Variants in WWP2 observed in about 807,000 individuals in gnomAD.
WWP2 encodes WW domain containing E3 ubiquitin protein ligase 2.
WWP2 carries 57 observed loss-of-function variants against 121.0 expected under a neutral mutation model. The ratio of observed to expected loss-of-function variants is 0.47; its 90% CI spans 0.38 to 0.59. WWP2 has a LOEUF of 0.59. Among genes scored for constraint, WWP2 ranks in the 20% least tolerant of loss-of-function variants. The pLI is 0.00. For missense variants in WWP2, 962 were observed against 1,158.9 expected, an observed-to-expected ratio of 0.83 and a Z score of 2.47; for synonymous variants, 449 against 441.3, an observed-to-expected ratio of 1.02 and a Z score of -0.22.
chr16:69,930,077 C>T, intron 12 of WWP2, 53 bp from the exon 13 acceptor site: 1 of 1,610,246 alleles, frequency 6.2e-7, no homozygotes, highest in Non-Finnish European at 8.5e-7. Context: ...CTCCAACCAC[C>T]AAGGTCCAGA....
intron 6 of WWP2, among the ~76,000 whole-genome samples, chr16:69,870,554 G>A (rs1188564427): frequency 1.3e-5 from 2 of 152,174 alleles, no homozygotes; most frequent in African/African-American, 2.4e-5. Flanking sequence ...TCCCGCCTTG[G>A]CCTCCCAAAG....
At chr16:69,847,502 C>T (rs2057106156) in intron 6 of WWP2, among the ~76,000 whole-genome samples, 1 of 151,498 alleles carries the variant, frequency 6.6e-6, no homozygotes, top group Admixed American at 6.6e-5. Flanking sequence ...TTCTCTCTCC[C>T]AGGTTCAAGC....
At chr16:69,939,669 C>T (rs567074768) in intron 23 of WWP2, among the ~76,000 whole-genome samples, 172 bp from the exon 24 acceptor site, 2 of 152,098 alleles carry the variant, frequency 1.3e-5, no homozygotes, top group South Asian at 2.1e-4. Context: ...GTCCTGGCCC[C>T]TCCCTTAACA....
intron 4 of WWP2, among the ~76,000 whole-genome samples, chr16:69,807,356 A>G (rs1200253967): frequency 6.6e-6 from 1 of 151,970 alleles, no homozygotes; most frequent in Non-Finnish European, 1.5e-5. Context: ...ATTTTTGTTT[A>G]ATAATGAAAA....
chr16:69,826,521 G>A (rs1350247898), intron 4 of WWP2, among the ~76,000 whole-genome samples: 2 of 137,130 alleles, frequency 1.5e-5, no homozygotes, highest in African/African-American at 2.8e-5. Flanking sequence ...GCAGTAAGCC[G>A]AAATAGTGCC....
chr16:69,870,197 T>C (rs1356157315), intron 6 of WWP2, among the ~76,000 whole-genome samples: 2 of 152,224 alleles, frequency 1.3e-5, no homozygotes, highest in South Asian at 2.1e-4. Flanking sequence ...TGAGAACATA[T>C]ATGTAAATGC....
Position 69,935,264 on chromosome 16 carries a change from G to A in WWP2, c.1843-589G>A, listed in dbSNP as rs2058779489. Among the ~76,000 whole-genome samples the A allele has an allele frequency of 6.6e-6, 1 of 152,126 alleles. No homozygotes were observed. Among genetic ancestry groups the A allele is most frequent in the South Asian group, 2.1e-4 (1 of 4,826 alleles). Reference sequence around the variant, plus strand: ...CATGAGCCTGTGACTAAATATGGCCGGCCCTTCCCATCGTCGAGGAGTTCT... The same window carrying A: ...CATGAGCCTGTGACTAAATATGGCCAGCCCTTCCCATCGTCGAGGAGTTCT... On this transcript the variant is annotated intron_variant, in intron 17 of 23. Transcript: ENST00000359154. This position sits in a 1 kb window ranked among gnomAD's most constrained non-coding sequence, Gnocchi z 5.2.
At chr16:69,849,882 C>T (rs568705080) in intron 6 of WWP2, among the ~76,000 whole-genome samples, 1 of 152,138 alleles carries the variant, frequency 6.6e-6, no homozygotes, top group South Asian at 2.1e-4. Flanking sequence ...TAAAATGATA[C>T]ATGGTACCTT....
intron 8 of WWP2, among the ~76,000 whole-genome samples, chr16:69,888,875 T>C (rs1239223536): frequency 6.6e-6 from 1 of 152,128 alleles, no homozygotes; most frequent in Non-Finnish European, 1.5e-5. Context: ...GGCTAATTTT[T>C]TTGTATTTTT....
At chr16:69,768,850 CA>C (rs1252686941) in intron 1 of WWP2, among the ~76,000 whole-genome samples, 2 of 152,092 alleles carry the variant, frequency 1.3e-5, no homozygotes, top group East Asian at 3.8e-4. Flanking sequence ...TGTCATTTGG[CA>C]AAGTTGATTC....
intron 8 of WWP2, among the ~76,000 whole-genome samples, chr16:69,888,975 G>A (rs2057977843): frequency 6.6e-6 from 1 of 152,228 alleles, no homozygotes; most frequent in South Asian, 2.1e-4. Flanking sequence ...CAAAGTGCTG[G>A]GATTACAGGC....
At chr16:69,796,406 C>T (rs920140765) in intron 2 of WWP2, among the ~76,000 whole-genome samples, 4 of 152,182 alleles carry the variant, frequency 2.6e-5, no homozygotes, top group Admixed American at 1.3e-4. Flanking sequence ...CAGGACACTT[C>T]GATATCCCGC....
chr16:69,906,588 T>C (rs1179748313), intron 8 of WWP2, among the ~76,000 whole-genome samples: 1 of 152,220 alleles, frequency 6.6e-6, no homozygotes, highest in African/African-American at 2.4e-5. Context: ...GATGCAAAAT[T>C]ATGCAGTTAA....
intron 6 of WWP2, among the ~76,000 whole-genome samples, chr16:69,845,015 A>G (rs1446177172): frequency 6.6e-6 from 1 of 152,190 alleles, no homozygotes; most frequent in Non-Finnish European, 1.5e-5. Flanking sequence ...GCGGTGGCCA[A>G]GGAGTCTATT....
chr16:69,920,321 C>T lies in WWP2; in HGVS notation c.1179+2438C>T, dbSNP rs552715201. ...GGGCCCCGCTGTCTAGCCCAGTGCG[C>T]TCTGCACACTTTCTTGGGCTAGGCT... is the stretch of plus-strand genomic sequence containing the variant. On this transcript the variant is annotated intron_variant, in intron 10 of 23. Coordinates refer to ENST00000359154, the MANE Select transcript of WWP2 (RefSeq NM_001270454.2). 2.0e-5 allele frequency among the ~76,000 whole-genome samples: 3 copies of T among 152,206 alleles called. 1 individual carries two copies.
intron 6 of WWP2, among the ~76,000 whole-genome samples, chr16:69,858,970 C>G (rs1309412398): frequency 6.6e-6 from 1 of 152,174 alleles, no homozygotes; most frequent in Non-Finnish European, 1.5e-5. Context: ...TGAACTAGAC[C>G]AGCAAGAACT....
chr16:69,837,616 T>A (rs1260693164), intron 4 of WWP2, among the ~76,000 whole-genome samples: 1 of 152,014 alleles, frequency 6.6e-6, no homozygotes, highest in Non-Finnish European at 1.5e-5. Context: ...TCCTCCACTC[T>A]CCTGTTGAAC....
chr16:69,880,253 A>G (rs1308326498), intron 7 of WWP2, among the ~76,000 whole-genome samples: 1 of 151,042 alleles, frequency 6.6e-6, no homozygotes, highest in Non-Finnish European at 1.5e-5. Context: ...TTAAGTAAAC[A>G]GTGTCATTTT....
Position 69,927,531 on chromosome 16 carries a change from C to T in WWP2, c.1235-1917C>T, listed in dbSNP as rs977955287. ...CCAGCCCCCAACTGAAACTGAATGC[C>T]GCGAGGCAGCCAGCCGGCCTTGGGA... On this transcript the variant is annotated intron_variant, in intron 11 of 23. Transcript: ENST00000359154. Among the ~76,000 whole-genome samples the T allele has an allele frequency of 1.7e-4, 26 of 152,370 alleles. 1 individual carries two copies. Among genetic ancestry groups the T allele is most frequent in the Admixed American group, 2.0e-4 (3 of 15,310 alleles).
Sources: gnomAD v4.1 joint callset for allele counts (sites outside exome capture counted in the v4.1 genomes callset) on GRCh38, gnomAD v4.1.1 for gene constraint, Gnocchi (gnomAD v3.1) non-coding constraint, MANE v1.5 for transcripts, NCBI Gene and HGNC (gene_info 2026-07-23, HGNC 2026-07-21) for gene names.